PTPRB: variants seen among roughly 807,000 people sequenced by gnomAD.
The protein encoded by PTPRB is protein tyrosine phosphatase receptor type B.
Under a neutral mutation model 238.1 loss-of-function variants are expected in PTPRB, and 97 were observed. The observed-to-expected ratio is 0.41, with a 90% CI of 0.35 to 0.48. The LOEUF (loss-of-function observed/expected upper bound fraction) is 0.48. Among genes scored for constraint, PTPRB ranks in the 20% least tolerant of loss-of-function variants. PTPRB has a pLI of 0.30. For missense variants in PTPRB, 2,292 were observed against 2,681.9 expected (o/e 0.85, Z 3.21); for synonymous variants, 970 against 995.4 (o/e 0.97, Z 0.48).
intron 4 of PTPRB, among the ~76,000 whole-genome samples, chr12:70,607,548 CTTTTT>C (rs546758555): frequency 7.3e-6 from 1 of 137,110 alleles, no homozygotes; most frequent in Non-Finnish European, 1.6e-5. Flanking sequence ...TTTTCCTTTT[CTTTTT>C]TTTTTTTTTT....
chr12:70,534,168 T>C (rs1289543057), intron 31 of PTPRB, among the ~76,000 whole-genome samples: 5 of 152,170 alleles, frequency 3.3e-5, no homozygotes, highest in African/African-American at 9.6e-5. Context: ...GAAGGTGATA[T>C]GCCTGATGAT....
At position 70,594,719 on chromosome 12, in the gene PTPRB, A is replaced by C; in HGVS notation, c.1264T>G (p.Ser422Ala). ...SVYTNGSTVP[S>A]PVKDIGISTK... The stretch of plus-strand genomic sequence containing the variant: ...GAAATACCAATATCTTTCACTGGAG[A>C]TGGCACTAGTGGGATAAAATGCATG... Residue 422 changes from serine (S) to alanine (A), a missense_variant, in exon 6 of 34, where the codon TCT becomes GCT. Ser to Ala is a moderately conservative substitution (Grantham distance 99). This residue lies in a region of PTPRB where 1,205 missense variants were observed against 1,287.8 expected (regional missense o/e 0.94). Transcript: ENST00000334414. The C allele has an allele frequency of 6.2e-7, 1 of 1,613,904 alleles. No individual in the cohort carries two copies. Among genetic ancestry groups the C allele is most frequent in the Non-Finnish European group, 8.5e-7 (1 of 1,179,788 alleles).
intron 3 of PTPRB, among the ~76,000 whole-genome samples, chr12:70,610,428 C>T (rs192348088): frequency 6.6e-6 from 1 of 151,432 alleles, no homozygotes; most frequent in Non-Finnish European, 1.5e-5. Context: ...AGCGTCTCCC[C>T]CTCCCTATCT....
intron 8 of PTPRB, among the ~76,000 whole-genome samples, chr12:70,588,934 G>A (rs961125123): frequency 6.6e-6 from 1 of 152,032 alleles, no homozygotes; most frequent in African/African-American, 2.4e-5. Flanking sequence ...GCCTAGGCCT[G>A]GGAGACAGAG....
rs367976582 is a variant in PTPRB, at chr12:70,594,488, T to C, written c.1495A>G (p.Arg499Gly). 48 of 1,613,906 alleles carry C rather than the reference T, an allele frequency of 3.0e-5. No homozygotes were observed. Among genetic ancestry groups the C allele is most frequent in the Non-Finnish European group, 3.6e-5 (43 of 1,179,892 alleles). The change falls in exon 6 of 34, where the codon AGG becomes GGG. Residue 499 changes from arginine to glycine, a missense_variant. Transcript: ENST00000334414. Reference protein sequence around the residue: ...MTEAAGLQNYRWKLVRTAPME... With the variant: ...MTEAAGLQNYGWKLVRTAPME... The stretch of plus-strand genomic sequence containing the variant: ...TTACCTGTCCTGACTAGTTTCCACC[T>C]GTAGTTTTGCAGCCCTGCAGCCTCA...
chr12:70,612,249 A>C (rs977586070), intron 3 of PTPRB, among the ~76,000 whole-genome samples: 2 of 152,228 alleles, frequency 1.3e-5, no homozygotes, highest in African/African-American at 4.8e-5. Context: ...AACAAGAGGA[A>C]GAGTTTAAAC....
At chr12:70,595,145 G>T (rs898976619) in intron 5 of PTPRB, among the ~76,000 whole-genome samples, 2 of 152,136 alleles carry the variant, frequency 1.3e-5, no homozygotes, top group Non-Finnish European at 2.9e-5. Flanking sequence ...CATGTCCTTT[G>T]CAGGGACATG....
At chr12:70,576,789 C>G (rs2136403759) in intron 10 of PTPRB, 144 bp from the exon 11 acceptor site, 1 of 594,040 alleles carries the variant, frequency 1.7e-6, no homozygotes, top group East Asian at 2.8e-5. Context: ...TATAAGAGGT[C>G]AAGGAAGCGT....
chr12:70,529,414 G>A (rs1171560673), intron 32 of PTPRB, among the ~76,000 whole-genome samples: 1 of 152,080 alleles, frequency 6.6e-6, no homozygotes, highest in African/African-American at 2.4e-5. Context: ...TTTACAATAC[G>A]ATAACCTCCT....
chr12:70,534,787 A>G (rs1160064478), intron 30 of PTPRB, 46 bp downstream of exon 30: 4 of 1,607,886 alleles, frequency 2.5e-6, no homozygotes, highest in Non-Finnish European at 3.4e-6. Flanking sequence ...CACAGATCTC[A>G]TTCATCTCCC....
intron 15 of PTPRB, among the ~76,000 whole-genome samples, chr12:70,565,093 G>GCCTA (rs1161737392): frequency 6.6e-6 from 1 of 152,008 alleles, no homozygotes; most frequent in Non-Finnish European, 1.5e-5. Context: ...TTAGAACAGT[G>GCCTA]CCTAGCCTAT....
At chr12:70,539,772 C>G in intron 25 of PTPRB, 55 bp downstream of exon 25, 4 of 1,596,040 alleles carry the variant, frequency 2.5e-6, no homozygotes, top group South Asian at 2.2e-5. Context: ...CATAACTATT[C>G]TGACTCATAT....
chr12:70,614,084 A>C (rs1367593751), intron 3 of PTPRB, among the ~76,000 whole-genome samples: 1 of 152,202 alleles, frequency 6.6e-6, no homozygotes, highest in Non-Finnish European at 1.5e-5. Flanking sequence ...TGGTTCTCAA[A>C]GTGTAGCTCT....
chr12:70,609,417 G>A (rs1592587471), intron 3 of PTPRB, 78 bp from the exon 4 acceptor site: 1 of 1,514,986 alleles, frequency 6.6e-7, no homozygotes, highest in East Asian at 2.3e-5. Flanking sequence ...AGCTCCTCAA[G>A]CCACACTTTC....
intron 21 of PTPRB, among the ~76,000 whole-genome samples, chr12:70,550,763 C>T (rs940303948): frequency 1.3e-5 from 2 of 152,148 alleles, no homozygotes; most frequent in African/African-American, 4.8e-5. Flanking sequence ...CACCCCTCCC[C>T]TTTCCATAAG....
At chr12:70,548,192 G>A (rs1399151941) in intron 21 of PTPRB, among the ~76,000 whole-genome samples, 1 of 152,108 alleles carries the variant, frequency 6.6e-6, no homozygotes, top group Non-Finnish European at 1.5e-5. Flanking sequence ...CCAGGCCCGT[G>A]TGATGCGTGC....
At chr12:70,625,750 G>A (rs910345362) in intron 2 of PTPRB, among the ~76,000 whole-genome samples, 4 of 152,142 alleles carry the variant, frequency 2.6e-5, no homozygotes, top group Admixed American at 6.6e-5. Flanking sequence ...GGAACAATAT[G>A]TGAAAGCTAT....
chr12:70,592,534 C>G lies in PTPRB; in HGVS notation c.1528G>C (p.Val510Leu), dbSNP rs377509461. Residue 510 changes from valine (V) to leucine (L), a missense_variant, in exon 7 of 34, where the codon GTC becomes CTC. Around this residue, in one of 4 missense-constraint regions of PTPRB, gnomAD observed 1,205 missense variants for 1,287.8 expected, o/e 0.94. Coordinates refer to ENST00000334414, the MANE Select transcript of PTPRB (RefSeq NM_001109754.4). The part of the protein sequence containing the change: ...WKLVRTAPME[V>L]SNLKVTNDGS... Reference sequence around the variant, plus strand: ...TCATTTGTCACCTTCAGATTTGAGACTTCCATGGGGGCTAATCAGGAAAGA... The same window carrying G: ...TCATTTGTCACCTTCAGATTTGAGAGTTCCATGGGGGCTAATCAGGAAAGA... 5.6e-6 allele frequency: 9 copies of G among 1,613,478 alleles called. No homozygotes were observed. The highest frequency in any genetic ancestry group is 5.3e-5 in the African/African-American group (4 of 74,874).
rs73330183 is a variant in PTPRB, at chr12:70,521,553, T to C, written c.6626-42A>G. On this transcript the variant is annotated intron_variant, in intron 33 of 33. Coordinates refer to ENST00000334414, the MANE Select transcript of PTPRB (RefSeq NM_001109754.4). ...TGTAATTAGAGACTGCCGCAGGGTGTGTCATAATTGTTTACGCTGTTTATG... is the reference window on the plus strand; with the variant it reads ...TGTAATTAGAGACTGCCGCAGGGTGCGTCATAATTGTTTACGCTGTTTATG... The C allele has an allele frequency of 4.0e-6, 6 of 1,487,478 alleles. No individual in the cohort carries two copies. In the African/African-American group the frequency reaches 7.1e-5, roughly 18 times the overall value. 92.1% of individuals were successfully genotyped at this position (1,487,478 alleles called of 1,614,324 possible). A position where few individuals can be genotyped will look rare whatever the true frequency, so the allele number is the denominator to read the frequency against.
Sources: gnomAD v4.1 joint callset for allele counts (sites outside exome capture counted in the v4.1 genomes callset) on GRCh38, gnomAD v4.1.1 for gene constraint, gnomAD v4.1.1 regional missense constraint, MANE v1.5 for transcripts, NCBI Gene and HGNC (gene_info 2026-07-23, HGNC 2026-07-21) for gene names.